Variants in XPO4 observed in about 807,000 individuals in gnomAD.
XPO4 encodes exportin 4.
In XPO4, 39 loss-of-function variants were observed where a neutral mutation model predicts 143.0. That is an observed-to-expected ratio of 0.27 (90% CI 0.21 to 0.36). The LOEUF (loss-of-function observed/expected upper bound fraction) is 0.36, where lower values mean the gene tolerates loss of function less well. XPO4 is among the 10% of genes least tolerant of loss of function. The probability of loss-of-function intolerance (pLI) is 1.00; values close to 1 mark genes in which losing one functional copy is unlikely to be tolerated. For missense variants in XPO4, 907 were observed against 1,348.0 expected (o/e 0.67, Z 5.12); for synonymous variants, 439 against 474.0 (o/e 0.93, Z 0.96).
intron 7 of XPO4, among the ~76,000 whole-genome samples, chr13:20,826,660 AAT>A (rs1403913064): frequency 6.6e-6 from 1 of 152,218 alleles, no homozygotes; most frequent in African/African-American, 2.4e-5. Context: ...CGTTTTCAAA[AAT>A]ATAGTTAATT....
chr13:20,888,554 G>A (rs1045272223), intron 1 of XPO4, among the ~76,000 whole-genome samples: 4 of 151,916 alleles, frequency 2.6e-5, no homozygotes, highest in Non-Finnish European at 5.9e-5. Context: ...ACAGAGTTTC[G>A]CCATGTTGCC....
chr13:20,843,625 T>C (rs908538005), intron 5 of XPO4, 145 bp downstream of exon 5: 3 of 617,444 alleles, frequency 4.9e-6, no homozygotes, highest in African/African-American at 3.7e-5. Context: ...ATCATTTTAC[T>C]ATATCCTTTG....
At chr13:20,871,541 C>T (rs1197981173) in intron 1 of XPO4, among the ~76,000 whole-genome samples, 2 of 152,296 alleles carry the variant, frequency 1.3e-5, no homozygotes, top group East Asian at 3.9e-4. Context: ...AATCCCAGCA[C>T]TCTGGATTAC....
intron 1 of XPO4, among the ~76,000 whole-genome samples, chr13:20,896,235 A>G (rs2060567865): frequency 6.6e-6 from 1 of 152,200 alleles, no homozygotes; most frequent in Non-Finnish European, 1.5e-5. Context: ...ACTTCCAGAT[A>G]TATTTTCTAA....
intron 6 of XPO4, among the ~76,000 whole-genome samples, chr13:20,832,724 C>CT (rs769504097): frequency 9.9e-5 from 15 of 152,210 alleles, no homozygotes; most frequent in Non-Finnish European, 1.8e-4. Flanking sequence ...CCAACAACCC[C>CT]AGTCTTATAG....
Position 20,781,289 on chromosome 13 carries a change from T to G in XPO4, c.*2433A>C, listed in dbSNP as rs1266287767. Reference sequence around the variant, plus strand: ...CAGCTAAAGACAAAATTGGACAAAATAAAACAAAAGAAAACACAAAGTGAA... The same window carrying G: ...CAGCTAAAGACAAAATTGGACAAAAGAAAACAAAAGAAAACACAAAGTGAA... On this transcript the variant is annotated 3_prime_UTR_variant, in exon 23 of 23. Coordinates refer to ENST00000255305, the MANE Select transcript of XPO4 (RefSeq NM_022459.5). 6.6e-6 allele frequency: 1 copy of G among 152,240 alleles called. No individual in the cohort carries two copies. Among genetic ancestry groups the G allele is most frequent in the African/African-American group, 2.4e-5 (1 of 41,320 alleles). The allele number at this position is 152,240 out of a possible 1,614,324, so 9.4% of individuals were successfully genotyped here.
chr13:20,878,766 G>A (rs897076050), intron 1 of XPO4, among the ~76,000 whole-genome samples: 36 of 152,128 alleles, frequency 2.4e-4, no homozygotes, highest in Non-Finnish European at 5.1e-4. Flanking sequence ...AATTATATCT[G>A]TGATATCTTA....
At chr13:20,834,740 C>T (rs372560417) in intron 6 of XPO4, among the ~76,000 whole-genome samples, 1 of 151,608 alleles carries the variant, frequency 6.6e-6, no homozygotes. Flanking sequence ...GGGAGGATCA[C>T]TTGAGCCCAG....
At chr13:20,878,789 G>T (rs1459464141) in intron 1 of XPO4, among the ~76,000 whole-genome samples, 1 of 152,158 alleles carries the variant, frequency 6.6e-6, no homozygotes, top group South Asian at 2.1e-4. Context: ...ATTTTTAAAA[G>T]ATTGTAGGCA....
intron 13 of XPO4, among the ~76,000 whole-genome samples, chr13:20,806,520 C>G (rs544197010): frequency 1.7e-5 from 2 of 120,896 alleles, no homozygotes; most frequent in African/African-American, 6.0e-5. Flanking sequence ...ATGTTGTTTT[C>G]AAATTCACTT....
chr13:20,881,140 G>A (rs2060405288), intron 1 of XPO4, among the ~76,000 whole-genome samples: 1 of 152,124 alleles, frequency 6.6e-6, no homozygotes. Flanking sequence ...AGGGATTAGA[G>A]GCAGGAGGAA....
intron 9 of XPO4, among the ~76,000 whole-genome samples, chr13:20,812,242 G>A (rs1056087598): frequency 3.9e-5 from 6 of 152,052 alleles, no homozygotes; most frequent in African/African-American, 7.2e-5. Context: ...ATGGTGGCAG[G>A]AGCCTGTAAT....
At chr13:20,852,102 C>T in intron 4 of XPO4, 1 of 985,358 alleles carries the variant, frequency 1.0e-6, no homozygotes, top group Non-Finnish European at 1.2e-6. Context: ...TGAGGGCAGG[C>T]CGCATAAATT....
intron 9 of XPO4, among the ~76,000 whole-genome samples, chr13:20,815,235 A>C (rs2059634177): frequency 6.6e-6 from 1 of 152,164 alleles, no homozygotes; most frequent in African/African-American, 2.4e-5. Context: ...ATGATACCTT[A>C]ATGATGGACA....
At chr13:20,844,317 T>C (rs1406178696) in intron 4 of XPO4, among the ~76,000 whole-genome samples, 2 of 152,230 alleles carry the variant, frequency 1.3e-5, no homozygotes, top group African/African-American at 4.8e-5. Context: ...TTTGACCCCG[T>C]TCTGTTTGTA....
chr13:20,863,743 C>T (rs1434678866), intron 2 of XPO4, among the ~76,000 whole-genome samples: 1 of 152,128 alleles, frequency 6.6e-6, no homozygotes, highest in African/African-American at 2.4e-5. Flanking sequence ...CCATGAAAAG[C>T]TCATGATTAG....
chr13:20,891,448 G>A (rs2060515525), intron 1 of XPO4, among the ~76,000 whole-genome samples: 1 of 152,166 alleles, frequency 6.6e-6, no homozygotes, highest in Admixed American at 6.5e-5. Flanking sequence ...AACATTTACA[G>A]AGCACTTACT....
chr13:20,902,188 TGTCA>T, intron 1 of XPO4: 2 of 985,342 alleles, frequency 2.0e-6, no homozygotes, highest in Non-Finnish European at 1.2e-6. Context: ...GGTGGCTGCA[TGTCA>T]GGGAAGCGCT....
intron 16 of XPO4, among the ~76,000 whole-genome samples, chr13:20,797,471 A>G (rs1206719057): frequency 6.6e-6 from 1 of 152,158 alleles, no homozygotes; most frequent in Non-Finnish European, 1.5e-5. Flanking sequence ...CCTTTACCTA[A>G]TTCCTCTTGG....
Sources: gnomAD v4.1 joint callset for allele counts (sites outside exome capture counted in the v4.1 genomes callset) on GRCh38, gnomAD v4.1.1 for gene constraint, MANE v1.5 for transcripts, NCBI Gene and HGNC (gene_info 2026-07-23, HGNC 2026-07-21) for gene names.